MARK3: variants seen among roughly 807,000 people sequenced by gnomAD.
The protein encoded by MARK3 is microtubule affinity regulating kinase 3.
MARK3 carries 46 observed loss-of-function variants against 90.1 expected under a neutral mutation model. The ratio of observed to expected loss-of-function variants is 0.51; its 90% CI spans 0.40 to 0.65. The LOEUF is 0.65. MARK3 is among the 30% of genes least tolerant of loss of function. MARK3 has a pLI of 0.00. For missense variants in MARK3, 818 were observed against 947.2 expected (o/e 0.86, Z 1.79); for synonymous variants, 321 against 332.6 (o/e 0.97, Z 0.38).
At chr14:103,436,470 T>C (rs1177632370) in intron 3 of MARK3, among the ~76,000 whole-genome samples, 1 of 151,824 alleles carries the variant, frequency 6.6e-6, no homozygotes, top group Non-Finnish European at 1.5e-5. Context: ...TTTCAGGCCA[T>C]TAACAAAAGT....
At chr14:103,467,870 C>T in intron 11 of MARK3, 163 bp from the exon 12 acceptor site, 1 of 567,548 alleles carries the variant, frequency 1.8e-6, no homozygotes, top group South Asian at 3.0e-5. Flanking sequence ...CGTCAGAAAA[C>T]TACTTTTGCT....
At chr14:103,413,408 A>C (rs1225191746) in intron 2 of MARK3, among the ~76,000 whole-genome samples, 1 of 146,920 alleles carries the variant, frequency 6.8e-6, no homozygotes, top group Non-Finnish European at 1.5e-5. Flanking sequence ...AATTAAGTTT[A>C]TATTGTTTTT....
At chr14:103,452,489 T>TTTTTTTTTTTTTTTTTTTTTTTGTG in intron 5 of MARK3, among the ~76,000 whole-genome samples, 1 of 137,528 alleles carries the variant, frequency 7.3e-6, no homozygotes, top group Non-Finnish European at 1.6e-5. Flanking sequence ...TTTTTTTTTT[T>TTTTTTTTTTTTTTTTTTTTTTTGTG]GAGACGGAGT....
chr14:103,468,906 G>A (rs1023229965), intron 12 of MARK3, among the ~76,000 whole-genome samples: 1 of 151,058 alleles, frequency 6.6e-6, no homozygotes, highest in African/African-American at 2.4e-5. Context: ...TAGGATTACA[G>A]ACGTGAGCCA....
At chr14:103,502,811 G>A in intron 17 of MARK3, 71 bp from the exon 18 acceptor site, 1 of 1,218,480 alleles carries the variant, frequency 8.2e-7, no homozygotes, top group South Asian at 1.5e-5. Context: ...ACGTGAATGA[G>A]GAACTAGCTG....
intron 14 of MARK3, among the ~76,000 whole-genome samples, chr14:103,484,163 C>CTTTTTTTTTTT (rs34512580): frequency 2.7e-5 from 4 of 146,248 alleles, no homozygotes; most frequent in African/African-American, 5.0e-5. Flanking sequence ...AGAATCTTTT[C>CTTTTTTTTTTT]TTTTTTTTTT....
chr14:103,444,086 C>CTTTTTTTTT (rs10676381), intron 3 of MARK3, among the ~76,000 whole-genome samples: 1 of 116,378 alleles, frequency 8.6e-6, no homozygotes. Flanking sequence ...GTAAAATTGT[C>CTTTTTTTTT]TTTTTTTTTT....
At chr14:103,401,041 T>G (rs1445331471) in intron 1 of MARK3, among the ~76,000 whole-genome samples, 1 of 150,008 alleles carries the variant, frequency 6.7e-6, no homozygotes. Flanking sequence ...AATAATTGAT[T>G]AACAGTACAA....
chr14:103,503,638 A>G lies in MARK3; in HGVS notation c.*411A>G, dbSNP rs1051234022. 27 of 175,320 alleles carry G rather than the reference A, an allele frequency of 1.5e-4. No individual in the cohort carries two copies. The highest frequency in any genetic ancestry group is 1.2e-5 in the Non-Finnish European group (1 of 81,852). The allele number at this position is 175,320 out of a possible 1,614,324, so 10.9% of individuals were successfully genotyped here. On this transcript the variant is annotated 3_prime_UTR_variant, in exon 18 of 18. Transcript: ENST00000429436. ...CAGTTGCCAAGGAGGAAAATACTGA[A>G]TGACTGCTAAGAATTAACCTTAAGA... is the stretch of plus-strand genomic sequence containing the variant.
At chr14:103,454,706 A>G (rs1224290671) in intron 5 of MARK3, among the ~76,000 whole-genome samples, 2 of 152,192 alleles carry the variant, frequency 1.3e-5, no homozygotes, top group Non-Finnish European at 2.9e-5. Context: ...TGATTTGGTA[A>G]ACTCATAGAA....
intron 6 of MARK3, 77 bp downstream of exon 6, chr14:103,457,289 C>T: frequency 9.1e-7 from 1 of 1,101,502 alleles, no homozygotes; most frequent in Non-Finnish European, 1.4e-6. Context: ...AAGTGTTTGC[C>T]TCCATAAATG....
chr14:103,467,662 G>A (rs8015429), intron 11 of MARK3: 42,348 of 103,754 alleles, frequency 0.41, 7,446 homozygotes, highest in East Asian at 0.55. Flanking sequence ...GTGACAGAGC[G>A]AGACTCTGTC....
intron 4 of MARK3, among the ~76,000 whole-genome samples, chr14:103,450,152 G>GA (rs566541255): frequency 4.6e-5 from 7 of 150,844 alleles, no homozygotes; most frequent in Admixed American, 1.3e-4. Context: ...ATTAAAATGT[G>GA]AAAAAAAAAT....
chr14:103,393,400 A>C (rs1265584752), intron 1 of MARK3, among the ~76,000 whole-genome samples: 4 of 152,174 alleles, frequency 2.6e-5, no homozygotes, highest in Non-Finnish European at 5.9e-5. Flanking sequence ...CCAGAGGATC[A>C]CTTGAGGCCA....
rs1225604537 is a variant in MARK3, at chr14:103,386,018, A to T, written c.-12A>T. 2 of 1,611,804 alleles carry T rather than the reference A, an allele frequency of 1.2e-6. No individual in the cohort carries two copies. The highest frequency in any genetic ancestry group is 1.7e-6 in the Non-Finnish European group (2 of 1,177,824). On this transcript the variant is annotated 5_prime_UTR_variant, in exon 1 of 18. Coordinates refer to ENST00000429436, the MANE Select transcript of MARK3 (RefSeq NM_001128918.3). ...TTGACCCTCGCATTGTGCAGAATTA[A>T]AGTGCAGTAAAATGTCCACTAGGAC...
chr14:103,392,311 A>G (rs1017779777), intron 1 of MARK3, among the ~76,000 whole-genome samples: 3 of 152,206 alleles, frequency 2.0e-5, no homozygotes, highest in Non-Finnish European at 4.4e-5. Context: ...TTGCAGGACA[A>G]AGCAGCCTGA....
intron 1 of MARK3, among the ~76,000 whole-genome samples, chr14:103,386,861 C>T (rs988162430): frequency 7.9e-5 from 12 of 152,116 alleles, no homozygotes; most frequent in African/African-American, 2.9e-4. Flanking sequence ...TAAAAGGAAC[C>T]TTTGATTTTG....
intron 12 of MARK3, among the ~76,000 whole-genome samples, chr14:103,471,592 C>T (rs560757333): frequency 3.3e-5 from 5 of 152,250 alleles, no homozygotes; most frequent in African/African-American, 4.8e-5. Flanking sequence ...CCTCCTGCCT[C>T]GTCTCACCTC....
chr14:103,394,025 C>T (rs963656579), intron 1 of MARK3, among the ~76,000 whole-genome samples: 1 of 152,168 alleles, frequency 6.6e-6, no homozygotes, highest in Non-Finnish European at 1.5e-5. Context: ...TGAGCCACTG[C>T]GCTCGGCCTG....
Sources: gnomAD v4.1 joint callset for allele counts (sites outside exome capture counted in the v4.1 genomes callset) on GRCh38, gnomAD v4.1.1 for gene constraint, MANE v1.5 for transcripts, NCBI Gene and HGNC (gene_info 2026-07-23, HGNC 2026-07-21) for gene names.